The following GP6 variants were observed in gnomAD, a reference collection of about 807,000 sequenced individuals.
GP6 encodes platelet glycoprotein VI.
Under a neutral mutation model 37.3 loss-of-function variants are expected in GP6, and 45 were observed. The ratio of observed to expected loss-of-function variants is 1.21; its 90% CI spans 0.95 to 1.55. The LOEUF is 1.55. GP6 is among the 40% of genes most tolerant of loss of function. The probability of loss-of-function intolerance (pLI) is 0.00; values close to 1 mark genes in which losing one functional copy is unlikely to be tolerated. For synonymous variants in GP6, 340 were observed against 316.4 expected (o/e 1.07, Z -0.79); for missense variants, 813 against 760.2 (o/e 1.07, Z -0.82).
At chr19:55,018,926 T>C in intron 5 of GP6, 1 of 605,822 alleles carries the variant, frequency 1.7e-6, no homozygotes. Context: ...AGACACTTGG[T>C]TTTTTTTCCA....
chr19:55,028,809 G>A (rs2074406514), intron 3 of GP6, among the ~76,000 whole-genome samples: 2 of 152,184 alleles, frequency 1.3e-5, no homozygotes, highest in Admixed American at 1.3e-4. Flanking sequence ...AGACCGGTGT[G>A]GTGATGCATG....
chr19:55,036,942 CAG>C (rs2074852921), intron 1 of GP6, among the ~76,000 whole-genome samples: 2 of 152,104 alleles, frequency 1.3e-5, no homozygotes, highest in East Asian at 1.9e-4. Flanking sequence ...ACCCGGGAGG[CAG>C]AGTTTGCAGT....
chr19:55,024,309 T>TGCACACGCACATGCACGCACAC (rs1357661954), intron 5 of GP6, among the ~76,000 whole-genome samples: 4 of 129,942 alleles, frequency 3.1e-5, no homozygotes, highest in East Asian at 2.2e-4. Context: ...TGCACACACA[T>TGCACACGCACATGCACGCACAC]ATGCACGCAC....
intron 3 of GP6, among the ~76,000 whole-genome samples, chr19:55,031,228 C>A (rs2074549202): frequency 6.6e-6 from 1 of 152,152 alleles, no homozygotes; most frequent in South Asian, 2.1e-4. Flanking sequence ...TTAATATTAT[C>A]TTTGGAACTT....
At position 55,014,299 on chromosome 19, in the gene GP6, A is replaced by T. The variant is rs759878316; in HGVS notation, c.1646T>A (p.Leu549His). The change falls in exon 8 of 8, where the codon CTC becomes CAC. Residue 549 changes from leucine to histidine, a missense_variant. Leu to His is a moderately conservative substitution (Grantham distance 99). Coordinates refer to ENST00000310373, the MANE Select transcript of GP6 (RefSeq NM_001083899.2). ...TTGTGTTTTTTTGTTTTGTTGGTAGAGATGAGGTTTCACCATGTTGCACAG... is the reference window on the plus strand; with the variant it reads ...TTGTGTTTTTTTGTTTTGTTGGTAGTGATGAGGTTTCACCATGTTGCACAG... The T allele has an allele frequency of 1.4e-6, 2 of 1,472,678 alleles. No homozygotes were observed. The highest frequency in any genetic ancestry group is 2.3e-5 in the South Asian group (2 of 88,362). 91.2% of individuals were successfully genotyped at this position (1,472,678 alleles called of 1,614,324 possible).
intron 3 of GP6, 99 bp downstream of exon 3, chr19:55,032,040 C>T: frequency 8.2e-7 from 1 of 1,226,108 alleles, no homozygotes; most frequent in East Asian, 2.5e-5. Context: ...AGGCCAGTGC[C>T]TCGTTTGCCT....
In GP6 at chr19:55,014,385, A is replaced by T; in HGVS notation, c.1560T>A (p.Ile520=). 6.2e-7 allele frequency: 1 copy of T among 1,613,878 alleles called. No individual in the cohort carries two copies. The highest frequency in any genetic ancestry group is 8.5e-7 in the Non-Finnish European group (1 of 1,179,768). ...AACGTGCTAGTTTTACACTAAGGAAAATGAATGACATACCCAAACTGCCTG... is the reference window on the plus strand; with the variant it reads ...AACGTGCTAGTTTTACACTAAGGAATATGAATGACATACCCAAACTGCCTG... Residue 520 remains isoleucine (I), a synonymous_variant, in exon 8 of 8, where the codon ATT becomes ATA. Transcript: ENST00000310373.
rs776766695 is a variant in GP6, at chr19:55,027,616, C to T, written c.572G>A (p.Trp191Ter). Reference sequence around the variant, plus strand: ...CTCCAGGGGGTCGCTGGGGGCTGACCACAGGTATGGGTCCCTGCTGGAGAA... The same window carrying T: ...CTCCAGGGGGTCGCTGGGGGCTGACTACAGGTATGGGTCCCTGCTGGAGAA... Residue 191 changes from tryptophan (W) to a stop codon, truncating the protein, a stop_gained, in exon 4 of 8, where the codon TGG becomes TAG. Coordinates refer to ENST00000310373, the MANE Select transcript of GP6 (RefSeq NM_001083899.2). LOFTEE classifies it high-confidence loss of function. The T allele has an allele frequency of 3.7e-6, 6 of 1,613,706 alleles. No homozygotes were observed. The highest frequency in any genetic ancestry group is 1.7e-5 in the Admixed American group (1 of 60,024).
intron 3 of GP6, 97 bp downstream of exon 3, chr19:55,032,042 C>T (rs746763501): frequency 1.4e-5 from 18 of 1,246,170 alleles, no homozygotes; most frequent in Non-Finnish European, 2.1e-5. Flanking sequence ...GCCAGTGCCT[C>T]GTTTGCCTCA....
chr19:55,021,561 C>T lies in GP6; in HGVS notation c.665-2850G>A, dbSNP rs1202319367. ...TTTGAGATGGAGTCTTGCTCTGTCG[C>T]CCAGGCTGGAGTGCAGTGGCACAAT... On this transcript the variant is annotated intron_variant, in intron 5 of 7. Transcript: ENST00000310373. Among the ~76,000 whole-genome samples the T allele has an allele frequency of 3.1e-4, 43 of 137,962 alleles. 1 individual carries two copies. Among genetic ancestry groups the T allele is most frequent in the Non-Finnish European group, 5.4e-4 (35 of 65,322 alleles). 90.5% of individuals were successfully genotyped at this position (137,962 alleles called of 152,430 possible).
intron 4 of GP6, 68 bp from the exon 5 acceptor site, chr19:55,025,339 T>G (rs2074262388): frequency 1.1e-6 from 1 of 950,608 alleles, no homozygotes; most frequent in African/African-American, 1.6e-5. Flanking sequence ...TAACGAAACA[T>G]CTCCGTGACT....
rs1294508845 is a variant in GP6 at position 55,038,254 on chromosome 19, C to G, written c.-18G>C. The G allele has an allele frequency of 6.3e-7, 1 of 1,580,632 alleles. No homozygotes were observed. The highest frequency in any genetic ancestry group is 2.3e-5 in the East Asian group (1 of 43,990). ...GGAGACATGGTTCCTCAGCCCTGTC[C>G]TGAGCTCTGTGGCCAGGGAGGGAAG... On this transcript the variant is annotated 5_prime_UTR_variant, in exon 1 of 8. Transcript: ENST00000310373.
chr19:55,022,609 C>A (rs1437546864), intron 5 of GP6, among the ~76,000 whole-genome samples: 1 of 152,084 alleles, frequency 6.6e-6, no homozygotes, highest in Non-Finnish European at 1.5e-5. Flanking sequence ...TCTAGAAAAC[C>A]CCATCATCTC....
In GP6 at chr19:55,020,204, CCTT is replaced by C. The variant is rs766750605; in HGVS notation, c.665-1496_665-1494del. 1.3e-3 allele frequency among the ~76,000 whole-genome samples: 149 copies of C among 114,710 alleles called. 1 individual carries two copies. The highest frequency in any genetic ancestry group is 4.6e-3 in the South Asian group (18 of 3,904). The allele number at this position is 114,710 out of a possible 152,430, so 75.3% of individuals were successfully genotyped here. A position where few individuals can be genotyped will look rare whatever the true frequency, so the allele number is the denominator to read the frequency against. On this transcript the variant is annotated intron_variant, in intron 5 of 7. Coordinates refer to ENST00000310373, the MANE Select transcript of GP6 (RefSeq NM_001083899.2). ...TCTTCGTGTGAGATGCATTAATAAA[CCTT>C]TTTTTTTTTTTTCAATTAAAATTTC...
At chr19:55,025,407 A>C in intron 4 of GP6, 136 bp from the exon 5 acceptor site, 1 of 717,090 alleles carries the variant, frequency 1.4e-6, no homozygotes, top group East Asian at 2.7e-5. Context: ...ACTGTTGTGG[A>C]TGTTAATAAG....
intron 1 of GP6, 113 bp downstream of exon 1, chr19:55,038,090 C>T (rs994796187): frequency 2.3e-6 from 2 of 864,850 alleles, no homozygotes; most frequent in Non-Finnish European, 3.8e-6. Context: ...GGGGCTCTTA[C>T]AGGTTCCTTT....
At chr19:55,027,977 G>A in intron 3 of GP6, 115 bp from the exon 4 acceptor site, 1 of 984,478 alleles carries the variant, frequency 1.0e-6, no homozygotes, top group Non-Finnish European at 1.6e-6. Context: ...ATCCCTCCCA[G>A]AGAGCGCACT....
In GP6 at chr19:55,014,657, T is replaced by A. The variant is rs1277193062; in HGVS notation, c.1288A>T (p.Met430Leu). The change falls in exon 8 of 8, where the codon ATG becomes TTG. Residue 430 changes from methionine to leucine, a missense_variant. Physicochemically the swap from Met to Leu is conservative, Grantham distance 15. Coordinates refer to ENST00000310373, the MANE Select transcript of GP6 (RefSeq NM_001083899.2). ...GTGGTCCAGCCAGGGTACCATGTCA[T>A]CCACAGTGTGCAGGGAGGAGGATGG... 3 of 1,613,924 alleles carry A rather than the reference T, an allele frequency of 1.9e-6. No homozygotes were observed. In the African/African-American group the frequency reaches 4.0e-5, roughly 22 times the overall value.
At position 55,013,963 on chromosome 19, in the gene GP6, A is replaced by G; in HGVS notation, c.*119T>C. ...CTAACATTTCCTTCAGAAAGTAAAT[A>G]TGAGAGGGGTGGAGACGGTGCATTA... On this transcript the variant is annotated 3_prime_UTR_variant, in exon 8 of 8. Transcript: ENST00000310373. The G allele has an allele frequency of 2.4e-6, 1 of 421,830 alleles. No individual in the cohort carries two copies. 26.1% of individuals were successfully genotyped at this position (421,830 alleles called of 1,614,324 possible).
Sources: allele counts gnomAD v4.1 joint callset (sites outside exome capture counted in the v4.1 genomes callset), GRCh38; gene constraint gnomAD v4.1.1; transcripts MANE v1.5; gene names NCBI Gene and HGNC (gene_info 2026-07-23, HGNC 2026-07-21).